CMC1: variants seen among roughly 807,000 people sequenced by gnomAD.
CMC1 encodes COX assembly mitochondrial protein homolog.
In CMC1, 14 loss-of-function variants were observed where a neutral mutation model predicts 14.1. That is an observed-to-expected ratio of 0.99 (90% CI 0.66 to 1.55). The LOEUF is 1.55. Ranked by LOEUF, CMC1 falls within the 40% of genes most tolerant of loss-of-function variation. CMC1 has a pLI of 0.00. For missense variants in CMC1, 127 were observed against 123.8 expected (o/e 1.03, Z -0.12); for synonymous variants, 50 against 38.4 (o/e 1.30, Z -1.12).
chr3:28,252,368 C>T (rs1699174192), intron 1 of CMC1, among the ~76,000 whole-genome samples: 1 of 152,174 alleles, frequency 6.6e-6, no homozygotes, highest in African/African-American at 2.4e-5. Flanking sequence ...ATCTACCTCA[C>T]TGATGTACTT....
intron 1 of CMC1, among the ~76,000 whole-genome samples, chr3:28,261,994 G>A (rs1021268139): frequency 6.6e-6 from 1 of 152,166 alleles, no homozygotes; most frequent in Non-Finnish European, 1.5e-5. Flanking sequence ...TTTCTGTAGG[G>A]TTTGAAGGTG....
intron 2 of CMC1, among the ~76,000 whole-genome samples, chr3:28,301,127 A>T (rs770454541): frequency 6.6e-6 from 1 of 152,176 alleles, no homozygotes; most frequent in Non-Finnish European, 1.5e-5. Flanking sequence ...CCACATTCAT[A>T]TAAAAATACT....
chr3:28,244,995 T>G (rs1409203653), intron 1 of CMC1, among the ~76,000 whole-genome samples: 1 of 151,948 alleles, frequency 6.6e-6, no homozygotes, highest in Non-Finnish European at 1.5e-5. Context: ...GTTCATACGT[T>G]GAAGCTTAGT....
intron 1 of CMC1, among the ~76,000 whole-genome samples, chr3:28,251,649 A>G (rs1699130789): frequency 6.6e-6 from 1 of 152,242 alleles, no homozygotes. Context: ...AATAAGTGAA[A>G]AACCCTTCAA....
chr3:28,287,756 T>G (rs1020772351), intron 2 of CMC1, among the ~76,000 whole-genome samples: 5 of 151,902 alleles, frequency 3.3e-5, no homozygotes, highest in Non-Finnish European at 7.4e-5. Flanking sequence ...TGGAAAAACC[T>G]CCATTATTAA....
rs190411240 is a variant in CMC1, at chr3:28,293,763, G to A, written c.110-22570G>A. On this transcript the variant is annotated intron_variant, in intron 2 of 3. Coordinates refer to ENST00000466830, the MANE Select transcript of CMC1 (RefSeq NM_182523.2). ...TGCCTGGCGAATTTTTGTATTTTTA[G>A]TAGAGACCGAGTTTCACCATGTTGG... is the stretch of plus-strand genomic sequence containing the variant. 1.5e-3 allele frequency among the ~76,000 whole-genome samples: 232 copies of A among 151,852 alleles called. 3 individuals carry two copies. Among genetic ancestry groups the A allele is most frequent in the East Asian group, 5.1e-3 (26 of 5,144 alleles).
intron 2 of CMC1, among the ~76,000 whole-genome samples, chr3:28,281,797 C>T (rs1215599528): frequency 1.3e-5 from 2 of 152,110 alleles, no homozygotes; most frequent in African/African-American, 2.4e-5. Context: ...CCTTGAAGTA[C>T]GGCTAATTAT....
At chr3:28,292,437 CGTT>C (rs1452891989) in intron 2 of CMC1, among the ~76,000 whole-genome samples, 1 of 151,990 alleles carries the variant, frequency 6.6e-6, no homozygotes, top group Non-Finnish European at 1.5e-5. Flanking sequence ...TTATCCTAAA[CGTT>C]GTTGCTAGGT....
At chr3:28,264,876 AAGCT>A (rs1279373926) in intron 2 of CMC1, among the ~76,000 whole-genome samples, 1 of 152,164 alleles carries the variant, frequency 6.6e-6, no homozygotes. Context: ...GAATGAAAGA[AAGCT>A]AGCTAACTCA....
chr3:28,275,641 G>T (rs979888464), intron 2 of CMC1, among the ~76,000 whole-genome samples: 3 of 152,104 alleles, frequency 2.0e-5, no homozygotes, highest in Non-Finnish European at 1.5e-5. Flanking sequence ...CTGCCCCTTG[G>T]TGCAGGGCAT....
In CMC1 at chr3:28,324,063, C is replaced by T. The variant is rs1266009082; in HGVS notation, c.*4434C>T. On this transcript the variant is annotated 3_prime_UTR_variant, in exon 4 of 4. Transcript: ENST00000466830. ...CAAATTAATTCTTATAAAGGCAGTT[C>T]TGATTATGTTGATCCAAGTAATGCA... 6.2e-7 allele frequency: 1 copy of T among 1,608,028 alleles called. No individual in the cohort carries two copies. The highest frequency in any genetic ancestry group is 1.1e-5 in the South Asian group (1 of 90,610).
chr3:28,290,254 C>A lies in CMC1; in HGVS notation c.110-26079C>A, dbSNP rs192216766. Among the ~76,000 whole-genome samples the A allele has an allele frequency of 3.4e-4, 51 of 151,782 alleles. 1 individual carries two copies. Among genetic ancestry groups the A allele is most frequent in the African/African-American group, 1.1e-3 (45 of 41,370 alleles). On this transcript the variant is annotated intron_variant, in intron 2 of 3. Transcript: ENST00000466830. ...TTGTCTTTAAAAATTTTTTTTTGAT[C>A]TGTTGCTTGATTTTATTGCCAATAG...
intron 2 of CMC1, among the ~76,000 whole-genome samples, chr3:28,297,911 G>A (rs1701825521): frequency 6.6e-6 from 1 of 151,492 alleles, no homozygotes; most frequent in Non-Finnish European, 1.5e-5. Context: ...GTATTTATAT[G>A]TATATAATAT....
Position 28,241,632 on chromosome 3 carries a change from A to G in CMC1, c.-162A>G, listed in dbSNP as rs1037865917. The G allele has an allele frequency of 6.5e-6, 8 of 1,231,462 alleles. No homozygotes were observed. Among genetic ancestry groups the G allele is most frequent in the African/African-American group, 6.2e-5 (4 of 64,474 alleles). 76.3% of individuals were successfully genotyped at this position (1,231,462 alleles called of 1,614,324 possible). ...GGCGGAAGTAGGAGCCTGGGAAGGA[A>G]GAGGGAACGGGTCCTGGCGGTGCTT... On this transcript the variant is annotated 5_prime_UTR_variant, in exon 1 of 4. Coordinates refer to ENST00000466830, the MANE Select transcript of CMC1 (RefSeq NM_182523.2).
chr3:28,278,089 A>G (rs147314175), intron 2 of CMC1, among the ~76,000 whole-genome samples: 102 of 152,102 alleles, frequency 6.7e-4, no homozygotes, highest in Admixed American at 1.3e-3. Context: ...TGATTGAGAT[A>G]CTCCAACTGA....
intron 2 of CMC1, among the ~76,000 whole-genome samples, chr3:28,268,189 A>G (rs2125476488): frequency 6.6e-6 from 1 of 152,342 alleles, no homozygotes; most frequent in East Asian, 1.9e-4. Context: ...TCACCATTGG[A>G]TTGGTTGATT....
chr3:28,289,582 T>C (rs1701365674), intron 2 of CMC1, among the ~76,000 whole-genome samples: 1 of 152,050 alleles, frequency 6.6e-6, no homozygotes, highest in South Asian at 2.1e-4. Flanking sequence ...TGCAAAGATC[T>C]TTATTTAGGG....
chr3:28,296,058 T>TA (rs1385647913), intron 2 of CMC1, among the ~76,000 whole-genome samples: 1 of 152,116 alleles, frequency 6.6e-6, no homozygotes. Context: ...AAATACAGTT[T>TA]AAAATACAAC....
chr3:28,297,978 G>T (rs1027675275), intron 2 of CMC1, among the ~76,000 whole-genome samples: 5 of 151,886 alleles, frequency 3.3e-5, no homozygotes, highest in Non-Finnish European at 7.4e-5. Context: ...CTGTGCTCCA[G>T]TCATAAGAAA....
Sources: gnomAD v4.1 joint callset for allele counts (sites outside exome capture counted in the v4.1 genomes callset) on GRCh38, gnomAD v4.1.1 for gene constraint, MANE v1.5 for transcripts, NCBI Gene and HGNC (gene_info 2026-07-23, HGNC 2026-07-21) for gene names.